Variants in MNAT1 observed in about 807,000 individuals in gnomAD.
MNAT1 encodes the protein MNAT1 component of CDK activating kinase, also known as CDK-activating kinase assembly factor MAT1.
Under a neutral mutation model 42.0 loss-of-function variants are expected in MNAT1, and 43 were observed. The ratio of observed to expected loss-of-function variants is 1.02; its 90% CI spans 0.80 to 1.32. MNAT1 has a LOEUF of 1.32. Ranked by LOEUF, MNAT1 falls within the 40% of genes most tolerant of loss-of-function variation. The pLI is 0.00. For synonymous variants in MNAT1, 118 were observed against 120.0 expected (o/e 0.98, Z 0.11); for missense variants, 306 against 350.4 (o/e 0.87, Z 1.01).
At chr14:60,848,876 T>C (rs546836821) in intron 6 of MNAT1, among the ~76,000 whole-genome samples, 16 of 152,224 alleles carry the variant, frequency 1.1e-4, no homozygotes, top group Non-Finnish European at 2.9e-5. Flanking sequence ...AGTATTTGCA[T>C]TGAGACATGT....
At chr14:60,929,889 A>G (rs187552377) in intron 7 of MNAT1, among the ~76,000 whole-genome samples, 10 of 152,248 alleles carry the variant, frequency 6.6e-5, no homozygotes, top group Admixed American at 5.2e-4. Context: ...TTCCCAAGCC[A>G]TGAAACATTC....
At chr14:60,812,596 C>G (rs1423322054) in intron 5 of MNAT1, among the ~76,000 whole-genome samples, 2 of 152,158 alleles carry the variant, frequency 1.3e-5, no homozygotes, top group Non-Finnish European at 2.9e-5. Flanking sequence ...TGATTGATCC[C>G]CACTCTTCAC....
intron 3 of MNAT1, chr14:60,799,494 T>A: frequency 1.3e-6 from 1 of 777,432 alleles, no homozygotes; most frequent in Non-Finnish European, 1.6e-6. Context: ...GGTAATGTGA[T>A]TAGTCAAAAG....
At chr14:60,872,871 T>TACAC (rs1566804905) in intron 6 of MNAT1, among the ~76,000 whole-genome samples, 1 of 129,126 alleles carries the variant, frequency 7.7e-6, no homozygotes, top group African/African-American at 3.1e-5. Context: ...CACACACACA[T>TACAC]ATATATATGC....
At chr14:60,858,839 G>A (rs2034026093) in intron 6 of MNAT1, among the ~76,000 whole-genome samples, 1 of 152,164 alleles carries the variant, frequency 6.6e-6, no homozygotes, top group Non-Finnish European at 1.5e-5. Context: ...TTTACATTAA[G>A]ATATGTGCAC....
chr14:60,861,390 C>T (rs2034091125), intron 6 of MNAT1, among the ~76,000 whole-genome samples: 1 of 151,886 alleles, frequency 6.6e-6, no homozygotes, highest in African/African-American at 2.4e-5. Flanking sequence ...TTATGTTGTT[C>T]AAAATGTTAA....
intron 6 of MNAT1, among the ~76,000 whole-genome samples, chr14:60,847,828 T>TATGTAG (rs2033718551): frequency 6.6e-6 from 1 of 152,226 alleles, no homozygotes; most frequent in Non-Finnish European, 1.5e-5. Context: ...GTAGAATATT[T>TATGTAG]AATTCTGTAT....
chr14:60,818,839 A>T lies in MNAT1; in HGVS notation c.679A>T (p.Ile227Phe), dbSNP rs1028789737. ...PVKPVTFSTG[I>F]KMGQHISLAP... ...AAAACCAGTGACGTTTTCCACAGGC[A>T]TCAAAATGGTAAGCCTTATTTTAAT... Residue 227 changes from isoleucine (I) to phenylalanine (F), a missense_variant, in exon 6 of 8, where the codon ATC (isoleucine) becomes TTC (phenylalanine). This residue lies in a region of MNAT1 where 116 missense variants were observed against 139.6 expected (regional missense o/e 0.83). Transcript: ENST00000261245. 6.2e-7 allele frequency: 1 copy of T among 1,611,686 alleles called. No individual in the cohort carries two copies. The highest frequency in any genetic ancestry group is 1.3e-5 in the African/African-American group (1 of 74,808).
At chr14:60,945,043 G>T (rs981222283) in intron 7 of MNAT1, among the ~76,000 whole-genome samples, 1 of 152,148 alleles carries the variant, frequency 6.6e-6, no homozygotes, top group Non-Finnish European at 1.5e-5. Flanking sequence ...GTGCAATTAA[G>T]CAGCTAATGT....
intron 7 of MNAT1, among the ~76,000 whole-genome samples, chr14:60,942,003 CAAAAAAAAAA>C (rs3080602): frequency 3.0e-4 from 9 of 29,938 alleles, no homozygotes; most frequent in South Asian, 2.6e-3. Flanking sequence ...GGCTCCATCT[CAAAAAAAAAA>C]AAAAAAAAAA....
intron 7 of MNAT1, among the ~76,000 whole-genome samples, chr14:60,942,582 A>G (rs2036190604): frequency 6.6e-6 from 1 of 151,924 alleles, no homozygotes; most frequent in Non-Finnish European, 1.5e-5. Flanking sequence ...TTAAAACAGT[A>G]AGGTTTTCTT....
At chr14:60,797,386 A>G (rs1206358241) in intron 2 of MNAT1, among the ~76,000 whole-genome samples, 1 of 152,036 alleles carries the variant, frequency 6.6e-6, no homozygotes, top group Non-Finnish European at 1.5e-5. Context: ...AAAATGGAGG[A>G]GTCGCTTCAA....
In MNAT1 at chr14:60,871,586, T is replaced by C. The variant is rs183386764; in HGVS notation, c.688-8128T>C. Among the ~76,000 whole-genome samples, 435 of 152,288 alleles carry C rather than the reference T, an allele frequency of 2.9e-3. 3 individuals are homozygous for C. The highest frequency in any genetic ancestry group is 9.4e-3 in the African/African-American group (390 of 41,578). Reference sequence around the variant, plus strand: ...GGTCTTTTAAAATCTTTTGCCACTTTTAATTGGGTCATTTTGTCTTTTTAT... The same window carrying C: ...GGTCTTTTAAAATCTTTTGCCACTTCTAATTGGGTCATTTTGTCTTTTTAT... On this transcript the variant is annotated intron_variant, in intron 6 of 7. Coordinates refer to ENST00000261245, the MANE Select transcript of MNAT1 (RefSeq NM_002431.4).
chr14:60,814,907 G>T (rs1026554162), intron 5 of MNAT1, among the ~76,000 whole-genome samples: 1 of 152,052 alleles, frequency 6.6e-6, no homozygotes. Flanking sequence ...TTATATTTTT[G>T]TAGCTGTTTG....
intron 1 of MNAT1, among the ~76,000 whole-genome samples, chr14:60,747,043 T>G (rs1450378742): frequency 2.1e-5 from 3 of 144,760 alleles, no homozygotes; most frequent in Non-Finnish European, 1.5e-5. Context: ...TGGAGTACAG[T>G]GGTGCGATCT....
intron 3 of MNAT1, among the ~76,000 whole-genome samples, chr14:60,805,316 C>T (rs574147374): frequency 6.6e-6 from 1 of 152,052 alleles, no homozygotes; most frequent in South Asian, 2.1e-4. Flanking sequence ...TATCTCTTCC[C>T]TCTACATGTG....
chr14:60,836,295 T>C (rs566430493), intron 6 of MNAT1, among the ~76,000 whole-genome samples: 2 of 152,198 alleles, frequency 1.3e-5, no homozygotes, highest in African/African-American at 4.8e-5. Flanking sequence ...GGAGTTGTGA[T>C]CCTTTGGAGG....
At chr14:60,901,371 A>T (rs2035069667) in intron 7 of MNAT1, among the ~76,000 whole-genome samples, 1 of 152,206 alleles carries the variant, frequency 6.6e-6, no homozygotes, top group South Asian at 2.1e-4. Context: ...GGATATGTGC[A>T]AGGAAATGGA....
intron 1 of MNAT1, among the ~76,000 whole-genome samples, chr14:60,771,149 C>T (rs929670422): frequency 2.0e-5 from 3 of 152,098 alleles, no homozygotes; most frequent in African/African-American, 7.2e-5. Context: ...GTACAGTTTA[C>T]ACTCCTATCA....
Sources: allele counts gnomAD v4.1 joint callset (sites outside exome capture counted in the v4.1 genomes callset), GRCh38; gene constraint gnomAD v4.1.1; regional missense constraint gnomAD v4.1.1; transcripts MANE v1.5; gene names NCBI Gene and HGNC (gene_info 2026-07-23, HGNC 2026-07-21).